Variants in MCM2 observed in about 807,000 individuals in gnomAD.
MCM2 encodes the protein DNA replication licensing factor MCM2.
A neutral mutation model predicts 86.4 loss-of-function variants in MCM2; 49 were observed. The observed-to-expected ratio is 0.57, with a 90% confidence interval of 0.45 to 0.72. The LOEUF is 0.72. Among genes scored for constraint, MCM2 ranks in the 30% least tolerant of loss-of-function variants. MCM2 has a pLI of 0.00. For synonymous variants in MCM2, 475 were observed against 484.6 expected, an observed-to-expected ratio of 0.98 and a Z score of 0.26; for missense variants, 1,038 against 1,259.9, an observed-to-expected ratio of 0.82 and a Z score of 2.67.
chr3:127,608,739 G>GAGC, intron 7 of MCM2, 93 bp from the exon 8 acceptor site: 2 of 1,344,652 alleles, frequency 1.5e-6, no homozygotes, highest in Non-Finnish European at 2.1e-6. Flanking sequence ...CTGTAGTGTG[G>GAGC]AGCACTTGCA....
rs2074366096 is a variant in MCM2, at chr3:127,608,393, G to A, written c.1113G>A (p.Gln371=). Residue 371 remains glutamine, a synonymous_variant, in exon 7 of 16, where the codon CAG becomes CAA. Coordinates refer to ENST00000265056, the MANE Select transcript of MCM2 (RefSeq NM_004526.4). ...TGTGTCCCTCGCAGACCATCTATCA[G>A]AACTACCAGCGTATCCGAATCCAGG... ...FEVNMEETIY[Q]NYQRIRIQES... The A allele has an allele frequency of 6.2e-7, 1 of 1,614,226 alleles. No individual in the cohort carries two copies. The highest frequency in any genetic ancestry group is 8.5e-7 in the Non-Finnish European group (1 of 1,180,030).
In MCM2 at chr3:127,618,076, G is replaced by A. The variant is rs937425156; in HGVS notation, c.2008G>A (p.Val670Ile). 9 of 1,613,694 alleles carry A rather than the reference G, an allele frequency of 5.6e-6. No homozygotes were observed. Among genetic ancestry groups the A allele is most frequent in the Non-Finnish European group, 6.8e-6 (8 of 1,179,782 alleles). ...TGTGGTGAGGGACACCGTGGACCCA[G>A]TCCAGGTATAGCTCACATGTGCCCG... The part of the protein sequence containing the change: ...LCVVRDTVDP[V>I]QDEMLARFVV... The change falls in exon 12 of 16, where the codon GTC becomes ATC. Residue 670 changes from valine to isoleucine, a missense_variant. By Grantham distance (29) the Val-to-Ile change is conservative. This residue lies in a region of MCM2 where 336 missense variants were observed against 425.7 expected (regional missense o/e 0.79). Coordinates refer to ENST00000265056, the MANE Select transcript of MCM2 (RefSeq NM_004526.4). The surrounding 1 kb of genome is among the most constrained non-coding windows in gnomAD (Gnocchi z 4.0).
chr3:127,615,847 C>G lies in MCM2; in HGVS notation c.1429-15C>G. ...TATCTGTTCCCATTCTTGTCGGTCTCCCTCCCTTTCTCAGATCTTTGCCAG... is the reference window on the plus strand; with the variant it reads ...TATCTGTTCCCATTCTTGTCGGTCTGCCTCCCTTTCTCAGATCTTTGCCAG... On this transcript the variant is annotated splice_polypyrimidine_tract_variant and intron_variant, in intron 8 of 15. Coordinates refer to ENST00000265056, the MANE Select transcript of MCM2 (RefSeq NM_004526.4). 6.3e-7 allele frequency: 1 copy of G among 1,594,202 alleles called. No homozygotes were observed. Among genetic ancestry groups the G allele is most frequent in the Non-Finnish European group, 8.6e-7 (1 of 1,162,058 alleles).
intron 4 of MCM2, 132 bp downstream of exon 4, chr3:127,605,288 G>GTT: frequency 8.4e-7 from 1 of 1,197,408 alleles, no homozygotes; most frequent in Non-Finnish European, 1.2e-6. Context: ...GAAACCAAAA[G>GTT]TTTTGAGTTT....
chr3:127,607,511 G>A (rs1350809811), intron 6 of MCM2, among the ~76,000 whole-genome samples: 1 of 152,176 alleles, frequency 6.6e-6, no homozygotes, highest in East Asian at 1.9e-4. Context: ...TTCCACCTGT[G>A]GCCACCTACA....
chr3:127,598,934 C>T (rs2074280452), intron 1 of MCM2: 1 of 342,948 alleles, frequency 2.9e-6, no homozygotes. Flanking sequence ...TCTTCTATGC[C>T]ATCTCTATCA....
At position 127,620,809 on chromosome 3, in the gene MCM2, A is replaced by G. The variant is rs1168025291; in HGVS notation, c.2377A>G (p.Met793Val). 6 of 1,613,976 alleles carry G rather than the reference A, an allele frequency of 3.7e-6. No individual in the cohort carries two copies. The Admixed American group carries it at 8.3e-5, about 22-fold the overall frequency. Residue 793 changes from methionine to valine, a missense_variant, in exon 14 of 16, where the codon ATG becomes GTG. By Grantham distance (21) the Met-to-Val change is conservative. Around this residue, in one of 4 missense-constraint regions of MCM2, gnomAD observed 336 missense variants for 425.7 expected, o/e 0.79. Transcript: ENST00000265056. ...RDYVIEDDVNMAIRVMLESFI... is the reference protein window; with the variant it reads ...RDYVIEDDVNVAIRVMLESFI... ...CTATGTGATCGAAGACGACGTCAAC[A>G]TGGCCATCCGCGTGATGCTGGAGAG...
At chr3:127,598,907 C>A (rs2074280166) in intron 1 of MCM2, 2 of 339,064 alleles carry the variant, frequency 5.9e-6, no homozygotes, top group Non-Finnish European at 1.1e-5. Context: ...GAGTTCCAGA[C>A]CTCTTGTTTT....
chr3:127,607,640 G>T (rs547102078), intron 6 of MCM2, among the ~76,000 whole-genome samples: 1 of 152,364 alleles, frequency 6.6e-6, no homozygotes, highest in African/African-American at 2.4e-5. Context: ...TGCTTCTAGG[G>T]ACCTGAGATA....
At chr3:127,621,603 G>A (rs910135323) in intron 15 of MCM2, 60 bp from the exon 16 acceptor site, 21 of 1,098,770 alleles carry the variant, frequency 1.9e-5, no homozygotes, top group African/African-American at 3.1e-5. Context: ...TAACTGGGGC[G>A]CTCTGGAAAC....
chr3:127,620,740 A>T lies in MCM2; in HGVS notation c.2308A>T (p.Met770Leu). The change falls in exon 14 of 16, where the codon ATG becomes TTG. Residue 770 changes from methionine to leucine, a missense_variant. Met to Leu is a conservative substitution (Grantham distance 15). This residue lies in a region of MCM2 where 336 missense variants were observed against 425.7 expected (regional missense o/e 0.79). Coordinates refer to ENST00000265056, the MANE Select transcript of MCM2 (RefSeq NM_004526.4). ...CATTACGGTGCGGCACATCGAGTCC[A>T]TGATCCGCATGGCGGAGGCCCACGC... ...IPITVRHIES[M>L]IRMAEAHARI... 3 of 1,612,148 alleles carry T rather than the reference A, an allele frequency of 1.9e-6. No individual in the cohort carries two copies. The highest frequency in any genetic ancestry group is 2.5e-6 in the Non-Finnish European group (3 of 1,178,542).
intron 8 of MCM2, among the ~76,000 whole-genome samples, chr3:127,613,511 A>G (rs1163362143): frequency 1.3e-5 from 2 of 152,312 alleles, no homozygotes; most frequent in African/African-American, 2.4e-5. Context: ...CTAAGGCACA[A>G]AAGGTTAGAT....
In MCM2 at chr3:127,606,707, A is replaced by G. The variant is rs1379368705; in HGVS notation, c.991A>G (p.Lys331Glu). The G allele has an allele frequency of 6.2e-7, 1 of 1,614,244 alleles. No individual in the cohort carries two copies. Among genetic ancestry groups the G allele is most frequent in the Admixed American group, 1.7e-5 (1 of 60,036 alleles). Residue 331 changes from lysine to glutamate, a missense_variant, in exon 6 of 16, where the codon AAG becomes GAG. Coordinates refer to ENST00000265056, the MANE Select transcript of MCM2 (RefSeq NM_004526.4). This position sits in a 1 kb window ranked among gnomAD's most constrained non-coding sequence, Gnocchi z 4.2. ...QLSMVKYNCN[K>E]CNFVLGPFCQ... The stretch of plus-strand genomic sequence containing the variant: ...CAGCATGGTCAAGTACAACTGCAAC[A>G]AGTGCAATTTCGTCCTGGGTCCTTT...
In MCM2 at chr3:127,606,418, G is replaced by A. The variant is rs1014741420; in HGVS notation, c.893+81G>A. 14 of 1,430,204 alleles carry A rather than the reference G, an allele frequency of 9.8e-6. No homozygotes were observed. The highest frequency in any genetic ancestry group is 2.4e-4 in the Middle Eastern group (1 of 4,252). 88.6% of individuals were successfully genotyped at this position (1,430,204 alleles called of 1,614,324 possible). A position where few individuals can be genotyped will look rare whatever the true frequency, so the allele number is the denominator to read the frequency against. On this transcript the variant is annotated intron_variant, in intron 5 of 15. Coordinates refer to ENST00000265056, the MANE Select transcript of MCM2 (RefSeq NM_004526.4). This position sits in a 1 kb window ranked among gnomAD's most constrained non-coding sequence, Gnocchi z 4.2. ...TCGTGATTCCTGAAGAGCGATTGTG[G>A]TGTGGGCGGGGAGGGTGCAGCCAGC...
At chr3:127,609,241 G>A (rs1269394423) in intron 8 of MCM2, among the ~76,000 whole-genome samples, 2 of 152,196 alleles carry the variant, frequency 1.3e-5, no homozygotes, top group African/African-American at 2.4e-5. Flanking sequence ...ATGGGCCAGC[G>A]AGGTAGTGGG....
intron 8 of MCM2, among the ~76,000 whole-genome samples, chr3:127,610,213 GC>G (rs1352590804): frequency 6.6e-6 from 1 of 152,140 alleles, no homozygotes; most frequent in Non-Finnish European, 1.5e-5. Flanking sequence ...CCACTCTTCT[GC>G]CCTCTGGCAA....
At position 127,599,446 on chromosome 3, in the gene MCM2, C is replaced by T. The variant is rs1271904626; in HGVS notation, c.135C>T (p.Asp45=). The change falls in exon 2 of 16, where the codon GAC becomes GAT. Residue 45 remains aspartate (D), a synonymous_variant. Coordinates refer to ENST00000265056, the MANE Select transcript of MCM2 (RefSeq NM_004526.4). The part of the protein sequence containing the change: ...TDALTSSPGR[D]LPPFEDESEG... ...CCCTCACCTCCAGCCCTGGCCGTGA[C>T]CTTCCACCATTTGAGGATGAGTCCG... The T allele has an allele frequency of 6.2e-7, 1 of 1,614,180 alleles. No individual in the cohort carries two copies. The highest frequency in any genetic ancestry group is 8.5e-7 in the Non-Finnish European group (1 of 1,180,032).
chr3:127,603,155 C>T (rs375196903), intron 2 of MCM2, among the ~76,000 whole-genome samples: 1 of 151,196 alleles, frequency 6.6e-6, no homozygotes, highest in Non-Finnish European at 1.5e-5. Context: ...CGCCCACCAC[C>T]GCGCCCAAGT....
chr3:127,606,015 C>A lies in MCM2; in HGVS notation c.674-103C>A. 1 of 822,882 alleles carries A rather than the reference C, an allele frequency of 1.2e-6. No individual in the cohort carries two copies. The highest frequency in any genetic ancestry group is 2.0e-6 in the Non-Finnish European group (1 of 498,468). The allele number at this position is 822,882 out of a possible 1,614,324, so 51.0% of individuals were successfully genotyped here. On this transcript the variant is annotated intron_variant, in intron 4 of 15. Coordinates refer to ENST00000265056, the MANE Select transcript of MCM2 (RefSeq NM_004526.4). This position sits in a 1 kb window ranked among gnomAD's most constrained non-coding sequence, Gnocchi z 4.2. ...AAAGCTGGGCTTTCTAGGTCAAAAT[C>A]AATGGTCGGGGTGGGTAGGCCTTGC...
Sources: gnomAD v4.1 joint callset for allele counts (sites outside exome capture counted in the v4.1 genomes callset) on GRCh38, gnomAD v4.1.1 for gene constraint, gnomAD v4.1.1 regional missense constraint, Gnocchi (gnomAD v3.1) non-coding constraint, MANE v1.5 for transcripts, NCBI Gene and HGNC (gene_info 2026-07-23, HGNC 2026-07-21) for gene names.